PEX5L: variants seen among roughly 807,000 people sequenced by gnomAD.
PEX5L encodes peroxisomal biogenesis factor 5 like.
In PEX5L, 30 loss-of-function variants were observed where a neutral mutation model predicts 84.0. That is an observed-to-expected ratio of 0.36 (90% CI 0.27 to 0.48). PEX5L has a LOEUF of 0.48. PEX5L is among the 20% of genes least tolerant of loss of function. PEX5L has a pLI of 0.99. For synonymous variants in PEX5L, 270 were observed against 283.1 expected (o/e 0.95, Z 0.46); for missense variants, 533 against 754.6 (o/e 0.71, Z 3.44).
intron 8 of PEX5L, among the ~76,000 whole-genome samples, chr3:179,847,947 C>T (rs1383832454): frequency 2.0e-5 from 3 of 151,196 alleles, no homozygotes; most frequent in Non-Finnish European, 4.4e-5. Context: ...ATTCTCCTGC[C>T]TTGGTGTTCC....
At chr3:179,927,452 G>A (rs1245106247) in intron 2 of PEX5L, among the ~76,000 whole-genome samples, 3 of 152,138 alleles carry the variant, frequency 2.0e-5, no homozygotes, top group Non-Finnish European at 4.4e-5. Flanking sequence ...GGTAGGCAGG[G>A]GCTAGCCTGT....
chr3:179,811,041 C>T (rs925356567), intron 11 of PEX5L, among the ~76,000 whole-genome samples: 1 of 151,976 alleles, frequency 6.6e-6, no homozygotes, highest in Non-Finnish European at 1.5e-5. Flanking sequence ...CCCCAGGCAC[C>T]GTTACTTCAT....
intron 2 of PEX5L, among the ~76,000 whole-genome samples, chr3:179,933,463 C>T (rs1458101740): frequency 7.9e-5 from 12 of 151,232 alleles, no homozygotes; most frequent in African/African-American, 2.7e-4. Flanking sequence ...TTTGAGAAAA[C>T]TAATTTCAAT....
intron 8 of PEX5L, among the ~76,000 whole-genome samples, chr3:179,831,593 G>T (rs1047502245): frequency 6.6e-6 from 1 of 152,172 alleles, no homozygotes; most frequent in Non-Finnish European, 1.5e-5. Context: ...ATTTGCTGGG[G>T]CATAGACAGA....
chr3:179,831,089 A>T (rs913218676), intron 8 of PEX5L, among the ~76,000 whole-genome samples: 10 of 152,156 alleles, frequency 6.6e-5, no homozygotes, highest in African/African-American at 2.4e-4. Flanking sequence ...AGACTGAGGC[A>T]GGTGGATAAT....
chr3:179,909,356 A>G (rs995164891), intron 2 of PEX5L, among the ~76,000 whole-genome samples: 1 of 152,222 alleles, frequency 6.6e-6, no homozygotes. Context: ...CAGCAATAGA[A>G]GCAGCAAATA....
chr3:179,891,868 A>G (rs1370297525), intron 3 of PEX5L, among the ~76,000 whole-genome samples: 2 of 152,204 alleles, frequency 1.3e-5, no homozygotes, highest in African/African-American at 4.8e-5. Flanking sequence ...ATCATAAAAG[A>G]AAATTTCAAA....
chr3:179,941,236 A>C lies in PEX5L; in HGVS notation c.93+30358T>G, dbSNP rs548507959. ...ATACATTTACCATTTTGCCGATTTA[A>C]ACATGTACAGTTCAGCGGCATTTAT... On this transcript the variant is annotated intron_variant, in intron 2 of 14. Coordinates refer to ENST00000467460, the MANE Select transcript of PEX5L (RefSeq NM_016559.3). 2.0e-5 allele frequency among the ~76,000 whole-genome samples: 3 copies of C among 152,360 alleles called. No homozygotes were observed. In the South Asian group the frequency reaches 6.2e-4, roughly 32 times the overall value.
intron 1 of PEX5L, among the ~76,000 whole-genome samples, chr3:179,989,255 G>T (rs571245286): frequency 2.6e-5 from 4 of 152,226 alleles, no homozygotes; most frequent in African/African-American, 9.6e-5. Flanking sequence ...GTATCACCAC[G>T]ATCTAGGAGA....
chr3:180,031,683 A>G (rs1291791923), intron 1 of PEX5L, among the ~76,000 whole-genome samples: 1 of 152,216 alleles, frequency 6.6e-6, no homozygotes, highest in East Asian at 1.9e-4. Context: ...ATTTTAAAAT[A>G]TAAAACCTTT....
intron 7 of PEX5L, among the ~76,000 whole-genome samples, chr3:179,865,062 G>A (rs535857134): frequency 2.0e-5 from 3 of 152,252 alleles, no homozygotes; most frequent in South Asian, 4.1e-4. Flanking sequence ...GCTGCACTGC[G>A]CATCACAGGA....
chr3:180,010,362 A>C (rs1174148734), intron 1 of PEX5L, among the ~76,000 whole-genome samples: 1 of 149,640 alleles, frequency 6.7e-6, no homozygotes, highest in Non-Finnish European at 1.5e-5. Context: ...GTGTGTCTAA[A>C]AATAGTTTTG....
intron 2 of PEX5L, among the ~76,000 whole-genome samples, chr3:179,939,565 C>G (rs1775493551): frequency 6.6e-6 from 1 of 152,158 alleles, no homozygotes; most frequent in Admixed American, 6.5e-5. Flanking sequence ...TATGTGTTAA[C>G]TACAGATACA....
chr3:179,973,652 T>C (rs990861587), intron 1 of PEX5L: 8 of 985,248 alleles, frequency 8.1e-6, no homozygotes, highest in East Asian at 1.1e-4. Context: ...TGCTAACAGA[T>C]AGAATGTCAG....
At chr3:179,840,063 G>A (rs780558024) in intron 8 of PEX5L, among the ~76,000 whole-genome samples, 1 of 152,022 alleles carries the variant, frequency 6.6e-6, no homozygotes, top group Non-Finnish European at 1.5e-5. Context: ...AGGGACAAGA[G>A]GGAATGACAG....
intron 2 of PEX5L, among the ~76,000 whole-genome samples, chr3:179,907,100 G>A (rs757145786): frequency 7.9e-5 from 12 of 152,060 alleles, no homozygotes; most frequent in Non-Finnish European, 1.5e-4. Context: ...TCAAGACAAT[G>A]AAAATGTTCC....
intron 1 of PEX5L, among the ~76,000 whole-genome samples, chr3:179,989,973 G>A (rs1192978066): frequency 6.6e-6 from 1 of 152,154 alleles, no homozygotes; most frequent in Non-Finnish European, 1.5e-5. Context: ...CACATGGAGG[G>A]CACTTATTAA....
intron 1 of PEX5L, chr3:179,973,099 G>C (rs114658595): frequency 1.0e-6 from 1 of 977,174 alleles, no homozygotes; most frequent in South Asian, 1.9e-5. Context: ...ATTTTGTCTA[G>C]AGTGTCTCTA....
At chr3:179,954,844 G>T (rs1454030334) in intron 2 of PEX5L, among the ~76,000 whole-genome samples, 1 of 151,726 alleles carries the variant, frequency 6.6e-6, no homozygotes, top group African/African-American at 2.4e-5. Context: ...TCAGGATGCT[G>T]TCTGGCACAT....
Sources: gnomAD v4.1 joint callset for allele counts (sites outside exome capture counted in the v4.1 genomes callset) on GRCh38, gnomAD v4.1.1 for gene constraint, MANE v1.5 for transcripts, NCBI Gene and HGNC (gene_info 2026-07-23, HGNC 2026-07-21) for gene names.